The following FLRT1 variants were observed in gnomAD, a reference collection of about 807,000 sequenced individuals.
FLRT1 encodes leucine-rich repeat transmembrane protein FLRT1.
A neutral mutation model predicts 30.9 loss-of-function variants in FLRT1; 14 were observed. The observed-to-expected ratio is 0.45, with a 90% CI of 0.30 to 0.71. FLRT1 has a LOEUF of 0.71. Among genes scored for constraint, FLRT1 ranks in the 30% least tolerant of loss-of-function variants. The pLI is 0.08. For missense variants in FLRT1, 737 were observed against 949.2 expected, an observed-to-expected ratio of 0.78 and a Z score of 2.94; for synonymous variants, 368 against 430.4, an observed-to-expected ratio of 0.85 and a Z score of 1.80.
chr11:64,106,559 T>TGA (rs934422416), intron 2 of FLRT1, among the ~76,000 whole-genome samples: 26 of 152,350 alleles, frequency 1.7e-4, no homozygotes, highest in Admixed American at 1.5e-3. Context: ...GCCTGCCTCC[T>TGA]GCCTTGTCAG....
At chr11:64,107,535 A>C (rs1346494986) in intron 2 of FLRT1, among the ~76,000 whole-genome samples, 2 of 152,200 alleles carry the variant, frequency 1.3e-5, no homozygotes, top group African/African-American at 4.8e-5. Flanking sequence ...GTGGATTTGC[A>C]TACCTGTCTG....
intron 2 of FLRT1, among the ~76,000 whole-genome samples, chr11:64,107,081 G>A (rs766510059): frequency 1.3e-5 from 2 of 151,812 alleles, no homozygotes; most frequent in Admixed American, 6.6e-5. Context: ...ACAGAGTTTC[G>A]CCATGTTGAC....
chr11:64,048,152 C>G (rs187176520), intron 1 of FLRT1, among the ~76,000 whole-genome samples: 2 of 152,362 alleles, frequency 1.3e-5, no homozygotes, highest in Non-Finnish European at 2.9e-5. Context: ...GCCCCCACGA[C>G]AGCTGCCTCT....
chr11:64,068,657 C>G (rs950752315), intron 1 of FLRT1, among the ~76,000 whole-genome samples: 1 of 152,214 alleles, frequency 6.6e-6, no homozygotes, highest in Non-Finnish European at 1.5e-5. Flanking sequence ...TTGTCTCTAC[C>G]CCCTCCAGCC....
intron 1 of FLRT1, among the ~76,000 whole-genome samples, chr11:64,102,308 C>T (rs779872587): frequency 7.9e-5 from 12 of 152,184 alleles, no homozygotes; most frequent in Non-Finnish European, 1.3e-4. Flanking sequence ...CCAGAACAGC[C>T]TGCCCTGCCC....
intron 1 of FLRT1, among the ~76,000 whole-genome samples, chr11:64,086,363 A>C (rs1266221785): frequency 6.6e-6 from 1 of 152,008 alleles, no homozygotes; most frequent in African/African-American, 2.4e-5. Context: ...TTACATATGC[A>C]TATGGTGCCC....
intron 1 of FLRT1, among the ~76,000 whole-genome samples, chr11:64,087,623 G>A (rs541930373): frequency 7.9e-5 from 12 of 152,300 alleles, no homozygotes; most frequent in African/African-American, 2.4e-4. Flanking sequence ...CCTTGCCCGC[G>A]GCCCCAGCCA....
At chr11:64,049,225 CTG>C (rs989197388) in intron 1 of FLRT1, among the ~76,000 whole-genome samples, 13 of 152,202 alleles carry the variant, frequency 8.5e-5, no homozygotes, top group Non-Finnish European at 1.8e-4. Flanking sequence ...CCAGAGACCA[CTG>C]TGTTTGTTAA....
chr11:64,053,904 T>TC (rs553073306), intron 1 of FLRT1, among the ~76,000 whole-genome samples: 79 of 151,744 alleles, frequency 5.2e-4, no homozygotes, highest in African/African-American at 1.7e-3. Context: ...GCTTCCGTCA[T>TC]CCCCCCCACC....
At chr11:64,040,609 C>A (rs1220602649) in intron 1 of FLRT1, among the ~76,000 whole-genome samples, 1 of 152,240 alleles carries the variant, frequency 6.6e-6, no homozygotes, top group East Asian at 1.9e-4. Context: ...GTGTGTTCAC[C>A]TGCGTAGACA....
At position 64,116,787 on chromosome 11, in the gene FLRT1, G is replaced by A. The variant is rs1163223569; in HGVS notation, c.520G>A (p.Ala174Thr). ...STVSIEEDAF[A>T]DSKQLKLLFL... ...CGTCAGCATTGAGGAGGACGCCTTC[G>A]CCGACAGCAAACAGCTCAAGCTGCT... The change falls in exon 3 of 3, where the codon GCC becomes ACC. Residue 174 changes from alanine (A) to threonine (T), a missense_variant. Transcript: ENST00000682287. The A allele has an allele frequency of 3.1e-6, 5 of 1,613,410 alleles. No homozygotes were observed. Among genetic ancestry groups the A allele is most frequent in the Non-Finnish European group, 4.2e-6 (5 of 1,180,030 alleles).
At chr11:64,038,402 A>G (rs1318201310) in intron 1 of FLRT1, among the ~76,000 whole-genome samples, 1 of 152,206 alleles carries the variant, frequency 6.6e-6, no homozygotes. Context: ...GGCAGTGCAC[A>G]CATGAGCAGG....
Position 64,082,266 on chromosome 11 carries a change from G to C in FLRT1, c.-1037-20928G>C, listed in dbSNP as rs1944317477. 6.6e-6 allele frequency among the ~76,000 whole-genome samples: 1 copy of C among 152,136 alleles called. No individual in the cohort carries two copies. The highest frequency in any genetic ancestry group is 2.1e-4 in the South Asian group (1 of 4,820). ...GCTTAGCAGAGGATGGCTGAGCCTG[G>C]GGGGTGGAGAAAATCTTGCCTCCTG... On this transcript the variant is annotated intron_variant, in intron 1 of 2. Coordinates refer to ENST00000682287, the MANE Select transcript of FLRT1 (RefSeq NM_013280.5). This position sits in a 1 kb window ranked among gnomAD's most constrained non-coding sequence, Gnocchi z 4.5.
At chr11:64,069,041 G>A (rs915494254) in intron 1 of FLRT1, among the ~76,000 whole-genome samples, 7 of 152,326 alleles carry the variant, frequency 4.6e-5, no homozygotes, top group East Asian at 1.9e-4. Context: ...GGATTCCTCC[G>A]GGGGCAGTGG....
chr11:64,085,744 A>G (rs11231691), intron 1 of FLRT1, among the ~76,000 whole-genome samples: 113,544 of 152,138 alleles, frequency 0.75, 42,479 homozygotes, highest in Middle Eastern at 0.83. Context: ...AGTGTTGTCC[A>G]TTGGGGGCCT....
chr11:64,073,269 C>G (rs2134467876), intron 1 of FLRT1, among the ~76,000 whole-genome samples: 1 of 152,316 alleles, frequency 6.6e-6, no homozygotes, highest in East Asian at 1.9e-4. Flanking sequence ...GCTGATGGAG[C>G]TGGCTGTGAT....
At chr11:64,106,212 C>G (rs1383155602) in intron 2 of FLRT1, among the ~76,000 whole-genome samples, 1 of 152,164 alleles carries the variant, frequency 6.6e-6, no homozygotes, top group East Asian at 1.9e-4. Flanking sequence ...TTTGTGGCCA[C>G]CCCTCTGCCA....
intron 1 of FLRT1, among the ~76,000 whole-genome samples, chr11:64,062,235 G>A (rs1328294616): frequency 6.6e-6 from 1 of 152,116 alleles, no homozygotes; most frequent in Admixed American, 6.5e-5. Flanking sequence ...GCTTCTTGGA[G>A]TACTCCCTGT....
chr11:64,042,756 G>T (rs1361905278), intron 1 of FLRT1, among the ~76,000 whole-genome samples: 1 of 152,196 alleles, frequency 6.6e-6, no homozygotes, highest in East Asian at 1.9e-4. Flanking sequence ...ACAAGGGGTT[G>T]GACCACTAGG....
Sources: allele counts gnomAD v4.1 joint callset (sites outside exome capture counted in the v4.1 genomes callset), GRCh38; gene constraint gnomAD v4.1.1; non-coding constraint Gnocchi (gnomAD v3.1); transcripts MANE v1.5; gene names NCBI Gene and HGNC (gene_info 2026-07-23, HGNC 2026-07-21).